TAF4: variants seen among roughly 807,000 people sequenced by gnomAD.
TAF4 encodes transcription initiation factor TFIID subunit 4.
In TAF4, 9 loss-of-function variants were observed where a neutral mutation model predicts 90.3. The ratio of observed to expected loss-of-function variants is 0.10; its 90% CI spans 0.06 to 0.17. TAF4 has a LOEUF of 0.17. TAF4 is among the 10% of genes least tolerant of loss of function. TAF4 has a pLI of 1.00. For synonymous variants in TAF4, 818 were observed against 638.9 expected (o/e 1.28, Z -4.23); for missense variants, 1,351 against 1,370.7 (o/e 0.99, Z 0.23).
chr20:62,000,362 G>T, intron 10 of TAF4, 108 bp from the exon 11 acceptor site: 3 of 1,480,672 alleles, frequency 2.0e-6, no homozygotes, highest in Non-Finnish European at 2.7e-6. Flanking sequence ...CCCAAGGGGA[G>T]CCCAGAAAGG....
chr20:62,046,271 C>T (rs939142868), intron 1 of TAF4, among the ~76,000 whole-genome samples: 3 of 152,336 alleles, frequency 2.0e-5, no homozygotes, highest in Middle Eastern at 3.4e-3. Context: ...TTTAAGTGTG[C>T]AATTTGAAAA....
intron 1 of TAF4, among the ~76,000 whole-genome samples, chr20:62,028,293 T>A (rs1365730051): frequency 2.6e-5 from 4 of 152,214 alleles, no homozygotes; most frequent in African/African-American, 4.8e-5. Flanking sequence ...TTGAATTGAA[T>A]TCTCTTTAAG....
At position 62,064,698 on chromosome 20, in the gene TAF4, G is replaced by A. The variant is rs2056112692; in HGVS notation, c.1113C>T (p.Ala371=). The A allele has an allele frequency of 4.8e-6, 6 of 1,254,236 alleles. No homozygotes were observed. The highest frequency in any genetic ancestry group is 4.0e-6 in the Non-Finnish European group (4 of 1,003,602). The allele number at this position is 1,254,236 out of a possible 1,614,324, so 77.7% of individuals were successfully genotyped here. Reference sequence around the variant, plus strand: ...GCATAGTTGGCCCGATGACCATGCTGGCCGCCGTGCTGGCCGGGCCGCTGG... The same window carrying A: ...GCATAGTTGGCCCGATGACCATGCTAGCCGCCGTGCTGGCCGGGCCGCTGG... ...LAASGPASTA[A]SMVIGPTMQG... The change falls in exon 1 of 15, where the codon GCC becomes GCT. Residue 371 remains alanine (A), a synonymous_variant. Coordinates refer to ENST00000252996, the MANE Select transcript of TAF4 (RefSeq NM_003185.4).
chr20:61,985,566 C>A (rs1294139674), intron 14 of TAF4, among the ~76,000 whole-genome samples: 1 of 151,924 alleles, frequency 6.6e-6, no homozygotes, highest in Non-Finnish European at 1.5e-5. Context: ...GTAGTTAGCA[C>A]GTTTGTTTCT....
At chr20:61,998,811 C>G (rs906639587) in intron 12 of TAF4, among the ~76,000 whole-genome samples, 172 bp downstream of exon 12, 1 of 152,206 alleles carries the variant, frequency 6.6e-6, no homozygotes, top group African/African-American at 2.4e-5. Context: ...ACGCTAGTGC[C>G]AAATGAATGA....
intron 14 of TAF4, among the ~76,000 whole-genome samples, chr20:61,976,729 CTG>C (rs1244123367): frequency 1.3e-5 from 2 of 152,226 alleles, no homozygotes; most frequent in African/African-American, 2.4e-5. Flanking sequence ...CACACTAGGT[CTG>C]TGTGTGTCAT....
At chr20:62,008,408 C>G (rs2055759565) in intron 5 of TAF4, among the ~76,000 whole-genome samples, 1 of 152,164 alleles carries the variant, frequency 6.6e-6, no homozygotes, top group Non-Finnish European at 1.5e-5. Flanking sequence ...GGAAGGTGGA[C>G]AGCCGAGAGC....
At chr20:62,059,660 C>A (rs6061411) in intron 1 of TAF4, among the ~76,000 whole-genome samples, 102,664 of 152,096 alleles carry the variant, frequency 0.67, 34,693 homozygotes, top group Middle Eastern at 0.78. Flanking sequence ...AGTAAACGCC[C>A]CCATCACGCT....
chr20:62,039,576 A>G (rs992006740), intron 1 of TAF4, among the ~76,000 whole-genome samples: 1 of 152,272 alleles, frequency 6.6e-6, no homozygotes, highest in Non-Finnish European at 1.5e-5. Context: ...AAGAAGGCAC[A>G]GGACGAATTC....
chr20:62,041,147 G>A (rs1405408706), intron 1 of TAF4, among the ~76,000 whole-genome samples: 1 of 152,216 alleles, frequency 6.6e-6, no homozygotes, highest in Non-Finnish European at 1.5e-5. Flanking sequence ...GCGGCCCAGA[G>A]AACACCTTCC....
In TAF4 at chr20:62,014,412, G is replaced by C. The variant is rs111303920; in HGVS notation, c.1521+135C>G. The stretch of plus-strand genomic sequence containing the variant: ...GGGCCCATCCTAGATGGGACGGATG[G>C]GACTGGGACGCCGCCCACACTTCCC... On this transcript the variant is annotated intron_variant, in intron 2 of 14. Coordinates refer to ENST00000252996, the MANE Select transcript of TAF4 (RefSeq NM_003185.4). 4,166 of 1,195,348 alleles carry C rather than the reference G, an allele frequency of 3.5e-3. 95 individuals carry two copies. In the African/African-American group the frequency reaches 0.058, roughly 17 times the overall value. 74.0% of individuals were successfully genotyped at this position (1,195,348 alleles called of 1,614,324 possible).
At chr20:62,026,948 T>C (rs2055878264) in intron 1 of TAF4, among the ~76,000 whole-genome samples, 1 of 152,234 alleles carries the variant, frequency 6.6e-6, no homozygotes, top group Non-Finnish European at 1.5e-5. Context: ...CACCAACCCG[T>C]GGAGACTTCT....
At chr20:62,045,943 C>T (rs550476940) in intron 1 of TAF4, among the ~76,000 whole-genome samples, 33 of 152,330 alleles carry the variant, frequency 2.2e-4, no homozygotes, top group Admixed American at 6.5e-5. Flanking sequence ...CCTTCTCTCA[C>T]GCAAACACTT....
chr20:61,998,145 C>A lies in TAF4; in HGVS notation c.2961G>T (p.Lys987Asn). ...GACTAACAGGGCTCACCTCCTTTGC[C>A]TTCTGTTTCAGCCTTAACTGTTCTG... ...EDPEQLRLKQ[K>N]AKEMQQQELA... Residue 987 changes from lysine to asparagine, a missense_variant, in exon 13 of 15, where the codon AAG becomes AAT. This residue lies in a region of TAF4 where 18 missense variants were observed against 60.0 expected (regional missense o/e 0.30). Transcript: ENST00000252996. 6.2e-7 allele frequency: 1 copy of A among 1,614,102 alleles called. No individual in the cohort carries two copies. The highest frequency in any genetic ancestry group is 1.1e-5 in the South Asian group (1 of 91,056).
chr20:61,984,811 C>T (rs988877819), intron 14 of TAF4, among the ~76,000 whole-genome samples: 3 of 148,830 alleles, frequency 2.0e-5, no homozygotes, highest in East Asian at 4.1e-4. Flanking sequence ...GATGCAGGAG[C>T]TCATCTGTTT....
intron 1 of TAF4, among the ~76,000 whole-genome samples, chr20:62,054,410 C>T (rs1249207944): frequency 2.0e-5 from 3 of 152,228 alleles, no homozygotes; most frequent in Non-Finnish European, 2.9e-5. Flanking sequence ...AAGGCGAGGA[C>T]TGCACACACA....
intron 10 of TAF4, 76 bp downstream of exon 10, chr20:62,000,476 G>A (rs538409456): frequency 2.3e-4 from 354 of 1,509,142 alleles, no homozygotes; most frequent in Non-Finnish European, 3.1e-4. Flanking sequence ...CAGGTGTCAG[G>A]TGTGCTCACC....
chr20:61,987,673 A>C (rs1333297893), intron 14 of TAF4, among the ~76,000 whole-genome samples: 1 of 152,238 alleles, frequency 6.6e-6, no homozygotes, highest in Non-Finnish European at 1.5e-5. Context: ...GTTTCTTACA[A>C]AACTAAACGT....
chr20:62,064,190 A>C (rs1452962687), intron 1 of TAF4: 1 of 389,962 alleles, frequency 2.6e-6, no homozygotes, highest in Admixed American at 4.6e-5. Context: ...ACTCCGAAAC[A>C]GACCAGCCCC....
Sources: allele counts gnomAD v4.1 joint callset (sites outside exome capture counted in the v4.1 genomes callset), GRCh38; gene constraint gnomAD v4.1.1; regional missense constraint gnomAD v4.1.1; transcripts MANE v1.5; gene names NCBI Gene and HGNC (gene_info 2026-07-23, HGNC 2026-07-21).